Variants in SLC13A3 observed in about 807,000 individuals in gnomAD.
The protein encoded by SLC13A3 is Na(+)/dicarboxylate cotransporter 3.
A neutral mutation model predicts 59.0 loss-of-function variants in SLC13A3; 40 were observed. The ratio of observed to expected loss-of-function variants is 0.68; its 90% CI spans 0.53 to 0.88. The LOEUF (loss-of-function observed/expected upper bound fraction) is 0.88, where lower values mean the gene tolerates loss of function less well. SLC13A3 is among the 40% of genes least tolerant of loss of function. The pLI is 0.00. For synonymous variants in SLC13A3, 317 were observed against 330.3 expected (o/e 0.96, Z 0.44); for missense variants, 699 against 783.2 (o/e 0.89, Z 1.28).
intron 11 of SLC13A3, among the ~76,000 whole-genome samples, chr20:46,565,336 A>G (rs1454700210): frequency 6.6e-6 from 1 of 152,156 alleles, no homozygotes; most frequent in Admixed American, 6.5e-5. Flanking sequence ...GCTGGTGAAC[A>G]GTTTGGGTGA....
chr20:46,683,348 C>T (rs1464192312), intron 1 of SLC13A3, among the ~76,000 whole-genome samples: 1 of 152,182 alleles, frequency 6.6e-6, no homozygotes, highest in Admixed American at 6.5e-5. Flanking sequence ...TAGAGAAGGG[C>T]TAACTGGGGG....
chr20:46,581,024 C>G (rs2062131378), intron 9 of SLC13A3, among the ~76,000 whole-genome samples: 1 of 152,248 alleles, frequency 6.6e-6, no homozygotes, highest in African/African-American at 2.4e-5. Context: ...AGCTACTACT[C>G]TGGGCACACT....
At position 46,657,988 on chromosome 20, in the gene SLC13A3, C is replaced by T. The variant is rs1044059871; in HGVS notation, c.-31+12055G>A. On this transcript the variant is annotated intron_variant, in intron 1 of 12. Transcript: ENST00000290317. ...CAATATGAGATTTGGACAGGACAAACATCAAAACCATCTCAGGGGGGTTCA... is the reference window on the plus strand; with the variant it reads ...CAATATGAGATTTGGACAGGACAAATATCAAAACCATCTCAGGGGGGTTCA... 6.6e-4 allele frequency among the ~76,000 whole-genome samples: 101 copies of T among 152,222 alleles called. 2 individuals are homozygous for T. The highest frequency in any genetic ancestry group is 3.7e-4 in the Non-Finnish European group (25 of 68,008).
chr20:46,632,916 T>G lies in SLC13A3; in HGVS notation c.111+18395A>C, dbSNP rs201266501. 5.8e-5 allele frequency among the ~76,000 whole-genome samples: 4 copies of G among 69,396 alleles called. No homozygotes were observed. In the Admixed American group the frequency reaches 6.0e-4, roughly 10 times the overall value. The allele number at this position is 69,396 out of a possible 152,430, so 45.5% of individuals were successfully genotyped here. ...AGATAGATAGATAGATAGATATATCTATCTATCTATCTATCTATCTATCTA... is the reference window on the plus strand; with the variant it reads ...AGATAGATAGATAGATAGATATATCGATCTATCTATCTATCTATCTATCTA... On this transcript the variant is annotated intron_variant, in intron 1 of 12. Transcript: ENST00000279027.
Position 46,651,370 on chromosome 20 carries a change from G to A in SLC13A3, c.52C>T (p.Leu18=), listed in dbSNP as rs768758040. 9.9e-6 allele frequency: 15 copies of A among 1,510,002 alleles called. No homozygotes were observed. In the South Asian group the frequency reaches 1.7e-4, roughly 18 times the overall value. The allele number at this position is 1,510,002 out of a possible 1,614,324, so 93.5% of individuals were successfully genotyped here. ...AKKVWSARRL[L]VLLFTPLALL... ...GCGAGCGGCGTGAACAGCAGCACCA[G>A]CAGCCGCCGCGCGCTCCACACCTTC... is the stretch of plus-strand genomic sequence containing the variant. The change falls in exon 1 of 13, where the codon CTG becomes TTG. Residue 18 remains leucine (L), a synonymous_variant. Transcript: ENST00000279027.
intron 2 of SLC13A3, among the ~76,000 whole-genome samples, chr20:46,613,190 G>T (rs2062517277): frequency 6.6e-6 from 1 of 151,698 alleles, no homozygotes; most frequent in African/African-American, 2.4e-5. Flanking sequence ...TGGGGCCTGG[G>T]GGTCAGCAGC....
chr20:46,590,750 A>G (rs1399388532), intron 6 of SLC13A3, among the ~76,000 whole-genome samples: 1 of 152,246 alleles, frequency 6.6e-6, no homozygotes, highest in Non-Finnish European at 1.5e-5. Context: ...AATATCTATT[A>G]AAATAAAAAT....
chr20:46,583,683 G>A lies in SLC13A3; in HGVS notation c.1122-14C>T. 20 of 1,613,926 alleles carry A rather than the reference G, an allele frequency of 1.2e-5. No homozygotes were observed. Among genetic ancestry groups the A allele is most frequent in the Non-Finnish European group, 1.7e-5 (20 of 1,179,914 alleles). The stretch of plus-strand genomic sequence containing the variant: ...TCAGAAAGAAACCTACAATGAGAAG[G>A]CCCCAAATCACGTGACCATGGGCAT... On this transcript the variant is annotated splice_polypyrimidine_tract_variant and intron_variant, in intron 8 of 12. Coordinates refer to ENST00000279027, the MANE Select transcript of SLC13A3 (RefSeq NM_022829.6).
upstream of SLC13A3, chr20:46,684,485 T>G (rs2063171030): frequency 6.6e-6 from 1 of 152,168 alleles, no homozygotes; most frequent in South Asian, 2.1e-4. Flanking sequence ...CAGCAGGAAG[T>G]GCCGAACAAG....
At chr20:46,570,849 G>A (rs1308866908) in intron 10 of SLC13A3, among the ~76,000 whole-genome samples, 3 of 152,150 alleles carry the variant, frequency 2.0e-5, no homozygotes, top group Non-Finnish European at 4.4e-5. Flanking sequence ...CTGGATCTTA[G>A]TCATGTCATT....
chr20:46,669,789 C>T (rs1266793995), intron 1 of SLC13A3, among the ~76,000 whole-genome samples: 1 of 152,182 alleles, frequency 6.6e-6, no homozygotes, highest in Non-Finnish European at 1.5e-5. Context: ...GACCATTATA[C>T]AGACATTTCC....
At chr20:46,563,609 C>T in intron 11 of SLC13A3, 58 bp from the exon 12 acceptor site, 1 of 784,390 alleles carries the variant, frequency 1.3e-6, no homozygotes, top group Non-Finnish European at 1.7e-6. Flanking sequence ...GCGACCACAG[C>T]AAGAGGGAGA....
In SLC13A3 at chr20:46,596,266, T is replaced by C. The variant is rs1365792523; in HGVS notation, c.685A>G (p.Asn229Asp). 1.2e-6 allele frequency: 2 copies of C among 1,614,188 alleles called. No individual in the cohort carries two copies. Among genetic ancestry groups the C allele is most frequent in the Non-Finnish European group, 1.7e-6 (2 of 1,180,032 alleles). Reference sequence around the variant, plus strand: ...GAGATGAGGAAGCCCTTCCAGATGTTCCGACGATATTCATCCTCCTTCCTG... The same window carrying C: ...GAGATGAGGAAGCCCTTCCAGATGTCCCGACGATATTCATCCTCCTTCCTG... The part of the protein sequence containing the change: ...DSRKEDEYRR[N>D]IWKGFLISIP... Residue 229 changes from asparagine (N) to aspartate (D), a missense_variant, in exon 5 of 13, where the codon AAC (asparagine) becomes GAC (aspartate). Transcript: ENST00000279027.
intron 6 of SLC13A3, 72 bp from the exon 7 acceptor site, chr20:46,589,327 A>C (rs1600525771): frequency 2.0e-5 from 25 of 1,226,034 alleles, no homozygotes; most frequent in East Asian, 7.2e-5. Flanking sequence ...AACAAGCACC[A>C]CCACCTGACC....
chr20:46,601,093 A>G (rs938079743), intron 3 of SLC13A3, among the ~76,000 whole-genome samples: 10 of 152,090 alleles, frequency 6.6e-5, no homozygotes, highest in African/African-American at 2.4e-4. Context: ...GTGCTGGGAA[A>G]GAGGTGTATA....
At position 46,580,248 on chromosome 20, in the gene SLC13A3, G is replaced by A. The variant is rs144014837; in HGVS notation, c.1219+3324C>T. Among the ~76,000 whole-genome samples, 1,023 of 152,066 alleles carry A rather than the reference G, an allele frequency of 6.7e-3. 6 individuals are homozygous for A. The highest frequency in any genetic ancestry group is 0.02 in the African/African-American group (818 of 41,488). On this transcript the variant is annotated intron_variant, in intron 9 of 12. Coordinates refer to ENST00000279027, the MANE Select transcript of SLC13A3 (RefSeq NM_022829.6). ...TGGGATTACAGGTGTGAGCCACTGC[G>A]CCCAGCCTCTCACCACTTCTTACTG...
rs1038030635 is a variant in SLC13A3 at position 46,663,601 on chromosome 20, G to A, written c.-31+6442C>T. On this transcript the variant is annotated intron_variant, in intron 1 of 12. Transcript: ENST00000290317. ...GAATAATAATGGCCACACTCACTAC[G>A]TGTTTACTCCAGTTCAGGTCCTATT... Among the ~76,000 whole-genome samples the A allele has an allele frequency of 5.9e-5, 9 of 152,170 alleles. No individual in the cohort carries two copies. In the South Asian group the frequency reaches 6.2e-4, roughly 11 times the overall value.
chr20:46,601,899 G>A lies in SLC13A3; in HGVS notation c.542-1862C>T, dbSNP rs73311073. ...CAAGGTAAGAGAAGTGGCAGGGGGTGGAGGTGGTAGGAAGTGGGTGGGATC... is the reference window on the plus strand; with the variant it reads ...CAAGGTAAGAGAAGTGGCAGGGGGTAGAGGTGGTAGGAAGTGGGTGGGATC... On this transcript the variant is annotated intron_variant, in intron 3 of 12. Coordinates refer to ENST00000279027, the MANE Select transcript of SLC13A3 (RefSeq NM_022829.6). 7.9e-3 allele frequency among the ~76,000 whole-genome samples: 1,197 copies of A among 152,268 alleles called. 17 individuals carry two copies. Among genetic ancestry groups the A allele is most frequent in the African/African-American group, 0.028 (1,159 of 41,536 alleles).
chr20:46,654,655 G>A (rs2062971919), upstream of SLC13A3, among the ~76,000 whole-genome samples: 1 of 152,082 alleles, frequency 6.6e-6, no homozygotes. Flanking sequence ...TCAGCCTCCT[G>A]AGTAGCTGGG....
Sources: gnomAD v4.1 joint callset for allele counts (sites outside exome capture counted in the v4.1 genomes callset) on GRCh38, gnomAD v4.1.1 for gene constraint, MANE v1.5 for transcripts, NCBI Gene and HGNC (gene_info 2026-07-23, HGNC 2026-07-21) for gene names.